Variants in MERTK observed in about 807,000 individuals in gnomAD.
MERTK encodes the protein tyrosine-protein kinase Mer.
Under a neutral mutation model 99.3 loss-of-function variants are expected in MERTK, and 69 were observed. The ratio of observed to expected loss-of-function variants is 0.70; its 90% CI spans 0.57 to 0.85. The LOEUF (loss-of-function observed/expected upper bound fraction) is 0.85, where lower values mean the gene tolerates loss of function less well. MERTK is among the 40% of genes least tolerant of loss of function. The pLI, the probability that MERTK is intolerant of heterozygous loss-of-function variation, is 0.00. For missense variants in MERTK, 1,125 were observed against 1,249.4 expected, an observed-to-expected ratio of 0.90 and a Z score of 1.50; for synonymous variants, 426 against 467.6, an observed-to-expected ratio of 0.91 and a Z score of 1.15.
chr2:112,000,545 TGA>T (rs1321383934), intron 10 of MERTK, among the ~76,000 whole-genome samples: 1 of 152,174 alleles, frequency 6.6e-6, no homozygotes, highest in East Asian at 1.9e-4. Context: ...TTGCTGATAA[TGA>T]GCAGGGGTTA....
intron 8 of MERTK, among the ~76,000 whole-genome samples, chr2:111,989,143 T>C (rs1676555708): frequency 6.6e-6 from 1 of 152,108 alleles, no homozygotes; most frequent in Non-Finnish European, 1.5e-5. Context: ...TACAGTCTCA[T>C]TCAAATTCCA....
chr2:112,009,915 T>C, intron 14 of MERTK, 33 bp from the exon 15 acceptor site: 2 of 1,500,288 alleles, frequency 1.3e-6, no homozygotes, highest in African/African-American at 1.4e-5. Flanking sequence ...TAACAAGGAC[T>C]CTTTGTAATT....
In MERTK at chr2:112,021,493, AC is replaced by A. The variant is rs747342084; in HGVS notation, c.2263del (p.Arg755AlafsTer15). 1 of 1,613,812 alleles carries A rather than the reference AC, an allele frequency of 6.2e-7. No homozygotes were observed. Among genetic ancestry groups the A allele is most frequent in the African/African-American group, 1.3e-5 (1 of 74,896 alleles). On this transcript the variant is annotated frameshift_variant, in exon 17 of 19. Transcript: ENST00000295408. LOFTEE classifies it high-confidence loss of function. ...LSKKIYSGDY[Y>X]RQGRIAKMPV... The stretch of plus-strand genomic sequence containing the variant: ...AAGAAGATTTACAGTGGCGATTATT[AC>A]CGCCAAGGCCGCATTGCTAAGATGC...
chr2:111,935,278 C>G (rs974262969), intron 2 of MERTK, among the ~76,000 whole-genome samples: 1 of 152,192 alleles, frequency 6.6e-6, no homozygotes, highest in Non-Finnish European at 1.5e-5. Context: ...TTGGGCAGAC[C>G]TGGTCCCTGT....
At chr2:111,932,051 A>G (rs181829371) in intron 2 of MERTK, among the ~76,000 whole-genome samples, 49 of 152,308 alleles carry the variant, frequency 3.2e-4, no homozygotes, top group African/African-American at 1.1e-3. Context: ...AACTTTAGAA[A>G]TTTGGAGTAG....
intron 4 of MERTK, among the ~76,000 whole-genome samples, chr2:111,953,462 G>T (rs919540911): frequency 6.6e-6 from 1 of 152,222 alleles, no homozygotes; most frequent in African/African-American, 2.4e-5. Context: ...ATGCTATACA[G>T]TGAAGTGAAG....
At position 111,994,983 on chromosome 2, in the gene MERTK, A is replaced by G. The variant is rs574129281; in HGVS notation, c.1450+579A>G. The G allele has an allele frequency of 4.1e-4, 93 of 224,376 alleles. 1 individual carries two copies. The highest frequency in any genetic ancestry group is 2.1e-3 in the African/African-American group (90 of 43,184). The allele number at this position is 224,376 out of a possible 1,614,324, so 13.9% of individuals were successfully genotyped here. ...GCTTTACTTATTGAACTTAGTTGCA[A>G]TGATGTATACTGTACATGACTGAAT... is the stretch of plus-strand genomic sequence containing the variant. On this transcript the variant is annotated intron_variant, in intron 9 of 18. Coordinates refer to ENST00000295408, the MANE Select transcript of MERTK (RefSeq NM_006343.3).
intron 1 of MERTK, among the ~76,000 whole-genome samples, chr2:111,916,671 C>G (rs997840239): frequency 2.0e-5 from 3 of 152,064 alleles, no homozygotes; most frequent in Non-Finnish European, 2.9e-5. Flanking sequence ...TTTATGATTG[C>G]TTCTTTAAAA....
At chr2:111,976,522 C>CTGTGTGTGTGTGTGTG (rs70962971) in intron 7 of MERTK, among the ~76,000 whole-genome samples, 1 of 136,710 alleles carries the variant, frequency 7.3e-6, no homozygotes, top group African/African-American at 2.8e-5. Flanking sequence ...TGACAAAAAC[C>CTGTGTGTGTGTGTGTG]TGTGTGTGTG....
At chr2:111,951,778 A>G (rs1432189899) in intron 4 of MERTK, among the ~76,000 whole-genome samples, 4 of 151,910 alleles carry the variant, frequency 2.6e-5, no homozygotes. Flanking sequence ...TGGCTATGCC[A>G]ATTTACATTT....
intron 15 of MERTK, among the ~76,000 whole-genome samples, chr2:112,011,429 T>C (rs1677101512): frequency 6.6e-6 from 1 of 152,144 alleles, no homozygotes; most frequent in South Asian, 2.1e-4. Context: ...GCCATGGGAC[T>C]CACTCACAAA....
At chr2:111,912,422 A>G (rs1684267868) in intron 1 of MERTK, among the ~76,000 whole-genome samples, 1 of 152,176 alleles carries the variant, frequency 6.6e-6, no homozygotes, top group Admixed American at 6.5e-5. Context: ...TTAAATGTGC[A>G]GATTTTAAGT....
At chr2:112,010,308 C>T (rs183037011) in intron 15 of MERTK, 660 of 432,300 alleles carry the variant, frequency 1.5e-3, no homozygotes, top group South Asian at 3.4e-3. Context: ...ATGGACAAAG[C>T]CTTACCAACT....
intron 8 of MERTK, among the ~76,000 whole-genome samples, chr2:111,984,488 G>A (rs1373809969): frequency 2.0e-5 from 3 of 152,172 alleles, no homozygotes; most frequent in Non-Finnish European, 4.4e-5. Context: ...GCACAACGTG[G>A]CAGCTTTAAA....
rs1281202731 is a variant in MERTK, at chr2:111,994,416, A to T, written c.1450+12A>T. 1.9e-6 allele frequency: 3 copies of T among 1,614,050 alleles called. No homozygotes were observed. Among genetic ancestry groups the T allele is most frequent in the African/African-American group, 2.7e-5 (2 of 74,998 alleles). ...TATCCCTGCACACGGTGAGAGCTAT[A>T]CCCAGTAAGGGCTGATAGGATGTGA... On this transcript the variant is annotated intron_variant, in intron 9 of 18. Transcript: ENST00000295408.
At position 112,029,079 on chromosome 2, in the gene MERTK, A is replaced by G; in HGVS notation, c.*215A>G. 4.7e-6 allele frequency: 6 copies of G among 1,266,874 alleles called. No individual in the cohort carries two copies. The highest frequency in any genetic ancestry group is 6.0e-6 in the Non-Finnish European group (6 of 998,818). 78.5% of individuals were successfully genotyped at this position (1,266,874 alleles called of 1,614,324 possible). Reference sequence around the variant, plus strand: ...ATATGTGTATATCATGGAAAAAGACAAGGATATTTTAATAAAACATTACTT... The same window carrying G: ...ATATGTGTATATCATGGAAAAAGACGAGGATATTTTAATAAAACATTACTT... On this transcript the variant is annotated 3_prime_UTR_variant, in exon 19 of 19. Coordinates refer to ENST00000295408, the MANE Select transcript of MERTK (RefSeq NM_006343.3).
At chr2:111,940,885 A>T in intron 2 of MERTK, 2 of 725,126 alleles carry the variant, frequency 2.8e-6, no homozygotes, top group East Asian at 2.7e-5. Flanking sequence ...ACTGCTGTGG[A>T]TGTTTCTTAA....
At position 111,918,175 on chromosome 2, in the gene MERTK, T is replaced by C. The variant is rs558536927; in HGVS notation, c.62-10945T>C. On this transcript the variant is annotated intron_variant, in intron 1 of 18. Coordinates refer to ENST00000295408, the MANE Select transcript of MERTK (RefSeq NM_006343.3). ...TTATTTAATATCTAGTGTTCTGGGG[T>C]GTACTTAGTGGGAAGAATAGGGAAA... 4.1e-4 allele frequency among the ~76,000 whole-genome samples: 62 copies of C among 152,308 alleles called. No individual in the cohort carries two copies. In the South Asian group the frequency reaches 6.4e-3, roughly 16 times the overall value.
At chr2:111,995,441 C>T (rs1676715051) in intron 9 of MERTK, 2 of 188,348 alleles carry the variant, frequency 1.1e-5, no homozygotes, top group Non-Finnish European at 2.2e-5. Flanking sequence ...AAGTTTTTGC[C>T]AAACATGACC....
Sources: allele counts gnomAD v4.1 joint callset (sites outside exome capture counted in the v4.1 genomes callset), GRCh38; gene constraint gnomAD v4.1.1; transcripts MANE v1.5; gene names NCBI Gene and HGNC (gene_info 2026-07-23, HGNC 2026-07-21).